ACSS1: variants seen among roughly 807,000 people sequenced by gnomAD.
ACSS1 encodes the protein acetyl-coenzyme A synthetase 2-like, mitochondrial.
Under a neutral mutation model 75.3 loss-of-function variants are expected in ACSS1, and 42 were observed. The ratio of observed to expected loss-of-function variants is 0.56; its 90% CI spans 0.44 to 0.72. The LOEUF is 0.72. Ranked by LOEUF, ACSS1 falls within the 30% of genes least tolerant of loss-of-function variation. ACSS1 has a pLI of 0.00. For synonymous variants in ACSS1, 380 were observed against 376.8 expected (o/e 1.01, Z -0.10); for missense variants, 782 against 935.7 (o/e 0.84, Z 2.14).
At position 25,023,453 on chromosome 20, in the gene ACSS1, C is replaced by G. The variant is rs766581154; in HGVS notation, c.807+13G>C. ...TGACCTCGCCTCAAACTGTGCAAAGCGAGGTAACCCACCTGCTCCAGCGGG... is the reference window on the plus strand; with the variant it reads ...TGACCTCGCCTCAAACTGTGCAAAGGGAGGTAACCCACCTGCTCCAGCGGG... On this transcript the variant is annotated intron_variant, in intron 4 of 13. Transcript: ENST00000323482. 1.2e-6 allele frequency: 2 copies of G among 1,613,686 alleles called. No individual in the cohort carries two copies. The highest frequency in any genetic ancestry group is 2.2e-5 in the South Asian group (2 of 91,060).
Position 25,007,555 on chromosome 20 carries a change from G to A in ACSS1, c.*207C>T, listed in dbSNP as rs980544245. ...GAACCAGCCCTAGCCATGTCGCATAGCCTCTCCATGGGTGACACTCCTGGG... is the reference window on the plus strand; with the variant it reads ...GAACCAGCCCTAGCCATGTCGCATAACCTCTCCATGGGTGACACTCCTGGG... On this transcript the variant is annotated 3_prime_UTR_variant, in exon 14 of 14. Transcript: ENST00000323482. 7.1e-7 allele frequency: 1 copy of A among 1,409,562 alleles called. No individual in the cohort carries two copies. Among genetic ancestry groups the A allele is most frequent in the East Asian group, 2.6e-5 (1 of 38,484 alleles). The allele number at this position is 1,409,562 out of a possible 1,614,324, so 87.3% of individuals were successfully genotyped here. A position where few individuals can be genotyped will look rare whatever the true frequency, so the allele number is the denominator to read the frequency against.
chr20:25,021,543 A>C lies in ACSS1; in HGVS notation c.961-7T>G. The C allele has an allele frequency of 6.2e-7, 1 of 1,613,170 alleles. No individual in the cohort carries two copies. Among genetic ancestry groups the C allele is most frequent in the Non-Finnish European group, 8.5e-7 (1 of 1,179,498 alleles). ...GCTGGTGGTCAAACACAAGCTGCAG[A>C]GACAGGAAAGGAGCATCAGGAGCTT... On this transcript the variant is annotated splice_polypyrimidine_tract_variant and splice_region_variant and intron_variant, in intron 5 of 13. Coordinates refer to ENST00000323482, the MANE Select transcript of ACSS1 (RefSeq NM_032501.4).
intron 10 of ACSS1, 51 bp from the exon 11 acceptor site, chr20:25,012,990 T>C: frequency 1.2e-5 from 20 of 1,612,326 alleles, no homozygotes; most frequent in Non-Finnish European, 1.4e-5. Flanking sequence ...CCAGGACCCA[T>C]GTCCCAACCT....
chr20:25,055,506 T>C (rs2089229508), intron 1 of ACSS1, among the ~76,000 whole-genome samples: 1 of 152,192 alleles, frequency 6.6e-6, no homozygotes, highest in South Asian at 2.1e-4. Flanking sequence ...AGAAGTGCCT[T>C]CATCTGCCCT....
At chr20:25,056,313 G>T (rs957087656) in intron 1 of ACSS1, among the ~76,000 whole-genome samples, 7 of 152,270 alleles carry the variant, frequency 4.6e-5, no homozygotes, top group Admixed American at 2.6e-4. Context: ...AGGGCACATT[G>T]CCCCAACTCT....
At chr20:25,011,943 G>A (rs1424546442) in intron 12 of ACSS1, 1 of 155,276 alleles carries the variant, frequency 6.4e-6, no homozygotes, top group East Asian at 1.9e-4. Context: ...GGTCACGCCA[G>A]GCCAGGCAGT....
chr20:25,023,593 C>T lies in ACSS1; in HGVS notation c.680G>A (p.Arg227His), dbSNP rs147336539. 2.9e-4 allele frequency: 465 copies of T among 1,613,584 alleles called. 2 individuals are homozygous for T. The East Asian group carries it at 6.8e-3, about 24-fold the overall frequency. Residue 227 changes from arginine to histidine, a missense_variant, in exon 4 of 14, where the codon CGC becomes CAC. Physicochemically the swap from Arg to His is conservative, Grantham distance 29 (BLOSUM62 0). Coordinates refer to ENST00000323482, the MANE Select transcript of ACSS1 (RefSeq NM_032501.4). The stretch of plus-strand genomic sequence containing the variant: ...CACTATTTTCTTCAGCTCCACCACG[C>T]GCCCACCCCGGAGTCCTTGGTTGAA... Reference protein sequence around the residue: ...ITFNQGLRGGRVVELKKIVDE... With the variant: ...ITFNQGLRGGHVVELKKIVDE...
intron 2 of ACSS1, among the ~76,000 whole-genome samples, chr20:25,036,869 C>T (rs940364558): frequency 4.6e-5 from 7 of 151,026 alleles, no homozygotes; most frequent in Admixed American, 6.6e-5. Flanking sequence ...GCAGGAGAAT[C>T]GCTTGAACCC....
intron 1 of ACSS1, among the ~76,000 whole-genome samples, chr20:25,053,607 G>T (rs1182541415): frequency 6.6e-6 from 1 of 152,126 alleles, no homozygotes; most frequent in Non-Finnish European, 1.5e-5. Flanking sequence ...GGAATCACTA[G>T]GAGGAAAATG....
At chr20:25,047,828 AAC>A (rs2089119477) in intron 2 of ACSS1, among the ~76,000 whole-genome samples, 1 of 151,746 alleles carries the variant, frequency 6.6e-6, no homozygotes, top group African/African-American at 2.4e-5. Flanking sequence ...TTAAAAACAA[AAC>A]AACTCTACTA....
rs191252414 is a variant in ACSS1, at chr20:25,032,459, A to G, written c.432-1501T>C. The stretch of plus-strand genomic sequence containing the variant: ...CATCCCTCTGAATCTGGACCTGGCA[A>G]TTGCATTAACCACTTTCCCACTCTT... On this transcript the variant is annotated intron_variant, in intron 2 of 13. Coordinates refer to ENST00000323482, the MANE Select transcript of ACSS1 (RefSeq NM_032501.4). 9 of 1,344,808 alleles carry G rather than the reference A, an allele frequency of 6.7e-6. No individual in the cohort carries two copies. In the African/African-American group the frequency reaches 7.4e-5, roughly 11 times the overall value. The allele number at this position is 1,344,808 out of a possible 1,614,324, so 83.3% of individuals were successfully genotyped here.
At chr20:25,025,094 C>A (rs2088692938) in intron 3 of ACSS1, among the ~76,000 whole-genome samples, 2 of 152,228 alleles carry the variant, frequency 1.3e-5, no homozygotes, top group African/African-American at 2.4e-5. Flanking sequence ...AGGAATGAAC[C>A]TTTCTCAAGG....
At chr20:25,048,307 G>A (rs1428376547) in intron 1 of ACSS1, 126 bp from the exon 2 acceptor site, 2 of 703,086 alleles carry the variant, frequency 2.8e-6, no homozygotes, top group Non-Finnish European at 2.4e-6. Flanking sequence ...CAGAGACCCT[G>A]TCCTCATCAG....
At position 25,057,798 on chromosome 20, in the gene ACSS1, C is replaced by T; in HGVS notation, c.305G>A (p.Trp102Ter). 4.4e-6 allele frequency: 7 copies of T among 1,594,206 alleles called. No homozygotes were observed. The highest frequency in any genetic ancestry group is 6.0e-6 in the Non-Finnish European group (7 of 1,165,438). ...DCDFSTGKIG[W>*]FLGGQLNVSV... ...GACATTTAACTGGCCTCCCAGGAAC[C>T]AGCCGATCTTGCCAGTGCTGAAGTC... is the stretch of plus-strand genomic sequence containing the variant. Residue 102 changes from tryptophan (W) to a stop codon, truncating the protein, a stop_gained, in exon 1 of 14, where the codon TGG becomes TAG. Transcript: ENST00000323482. LOFTEE classifies it high-confidence loss of function.
chr20:25,034,719 C>G (rs1419205530), intron 2 of ACSS1, among the ~76,000 whole-genome samples: 1 of 152,030 alleles, frequency 6.6e-6, no homozygotes, highest in Non-Finnish European at 1.5e-5. Flanking sequence ...CAGGCATGCA[C>G]CACCATGCCC....
At chr20:25,013,843 A>C in intron 9 of ACSS1, 118 bp downstream of exon 9, 1 of 1,346,368 alleles carries the variant, frequency 7.4e-7, no homozygotes, top group South Asian at 1.3e-5. Flanking sequence ...TGAACGCTGC[A>C]AGGTCAGCAG....
intron 2 of ACSS1, among the ~76,000 whole-genome samples, chr20:25,039,495 G>A (rs190594184): frequency 1.3e-5 from 2 of 152,192 alleles, no homozygotes; most frequent in Non-Finnish European, 2.9e-5. Context: ...AGTGCCCAAA[G>A]TCCCCACACG....
At chr20:25,055,673 G>T (rs140631211) in intron 1 of ACSS1, among the ~76,000 whole-genome samples, 1 of 152,158 alleles carries the variant, frequency 6.6e-6, no homozygotes, top group East Asian at 1.9e-4. Context: ...AAAGTTCTCA[G>T]GTAATGCTGA....
chr20:25,040,620 A>G (rs372501173), intron 2 of ACSS1, among the ~76,000 whole-genome samples: 1 of 152,254 alleles, frequency 6.6e-6, no homozygotes, highest in East Asian at 1.9e-4. Flanking sequence ...AACATTTGCC[A>G]GTGATCATGG....
Sources: allele counts gnomAD v4.1 joint callset (sites outside exome capture counted in the v4.1 genomes callset), GRCh38; gene constraint gnomAD v4.1.1; transcripts MANE v1.5; gene names NCBI Gene and HGNC (gene_info 2026-07-23, HGNC 2026-07-21).